Variants in SIMC1 observed in about 807,000 individuals in gnomAD.
The protein encoded by SIMC1 is SUMO-interacting motif-containing protein 1.
In SIMC1, 55 loss-of-function variants were observed where a neutral mutation model predicts 82.3. The ratio of observed to expected loss-of-function variants is 0.67; its 90% CI spans 0.54 to 0.84. The LOEUF is 0.84. Ranked by LOEUF, SIMC1 falls within the 40% of genes least tolerant of loss-of-function variation. The probability of loss-of-function intolerance (pLI) is 0.00; values close to 1 mark genes in which losing one functional copy is unlikely to be tolerated. For synonymous variants in SIMC1, 353 were observed against 426.3 expected (o/e 0.83, Z 2.12); for missense variants, 915 against 1,107.2 (o/e 0.83, Z 2.46).
At chr5:176,267,849 A>T (rs1762264047) in intron 1 of SIMC1, among the ~76,000 whole-genome samples, 1 of 104,068 alleles carries the variant, frequency 9.6e-6, no homozygotes, top group Non-Finnish European at 1.8e-5. Flanking sequence ...TCAACCTCCC[A>T]GGTTCAAGCA....
chr5:176,305,972 G>T (rs1373188390), intron 4 of SIMC1, among the ~76,000 whole-genome samples: 2 of 74,274 alleles, frequency 2.7e-5, no homozygotes, highest in African/African-American at 5.3e-5. Context: ...CGCCCCATCC[G>T]GGAGGGAGGT....
At chr5:176,274,856 ACCAT>A (rs886789699) in intron 1 of SIMC1, among the ~76,000 whole-genome samples, 3 of 151,660 alleles carry the variant, frequency 2.0e-5, no homozygotes, top group African/African-American at 7.2e-5. Context: ...TGGTACCAGT[ACCAT>A]GCTCTTTTGG....
At chr5:176,277,244 T>G (rs1399657616) in intron 1 of SIMC1, among the ~76,000 whole-genome samples, 3 of 151,770 alleles carry the variant, frequency 2.0e-5, no homozygotes, top group African/African-American at 7.3e-5. Context: ...CATAAATGTC[T>G]TCTTTTGAGA....
chr5:176,299,997 T>G (rs1763975745), intron 4 of SIMC1, among the ~76,000 whole-genome samples: 1 of 152,112 alleles, frequency 6.6e-6, no homozygotes, highest in Non-Finnish European at 1.5e-5. Flanking sequence ...CACAAATATG[T>G]GGCAACTAAA....
chr5:176,241,836 G>A (rs960416841), intron 1 of SIMC1, among the ~76,000 whole-genome samples: 1 of 151,346 alleles, frequency 6.6e-6, no homozygotes, highest in Non-Finnish European at 1.5e-5. Flanking sequence ...GGTTTACATC[G>A]TCTGTTTACA....
chr5:176,289,915 G>T lies in SIMC1; in HGVS notation c.391G>T (p.Asp131Tyr). The T allele has an allele frequency of 6.2e-7, 1 of 1,613,904 alleles. No homozygotes were observed. Among genetic ancestry groups the T allele is most frequent in the Non-Finnish European group, 8.5e-7 (1 of 1,179,870 alleles). The change falls in exon 2 of 10, where the codon GAT (aspartate) becomes TAT (tyrosine). Residue 131 changes from aspartate to tyrosine, a missense_variant. Asp to Tyr is a radical substitution (Grantham distance 160). Transcript: ENST00000429602. ...ARRIINSDPV[D>Y]LDLVEENTFV... ...GAGAATCATTAACAGTGATCCTGTA[G>T]ATTTGGACCTAGTGGAAGAAAACAC...
chr5:176,260,107 A>G (rs529028447), intron 1 of SIMC1, among the ~76,000 whole-genome samples: 6 of 152,118 alleles, frequency 3.9e-5, no homozygotes, highest in African/African-American at 1.4e-4. Flanking sequence ...TTTGCTTGCA[A>G]TGGTATTCCC....
At chr5:176,291,244 A>G (rs1416079354) in intron 2 of SIMC1, among the ~76,000 whole-genome samples, 1 of 146,718 alleles carries the variant, frequency 6.8e-6, no homozygotes, top group Non-Finnish European at 1.5e-5. Flanking sequence ...GCTCACTGCA[A>G]CCTCCGCCTC....
At chr5:176,327,184 A>G (rs1765430897) in intron 7 of SIMC1, among the ~76,000 whole-genome samples, 1 of 152,244 alleles carries the variant, frequency 6.6e-6, no homozygotes, top group South Asian at 2.1e-4. Flanking sequence ...GAATTAAAAC[A>G]GACAAACATG....
chr5:176,269,076 G>A (rs1180096467), intron 1 of SIMC1, among the ~76,000 whole-genome samples: 1 of 152,170 alleles, frequency 6.6e-6, no homozygotes, highest in Non-Finnish European at 1.5e-5. Context: ...ATTGTGGGAT[G>A]AAGCCAAAGT....
At chr5:176,344,975 A>C (rs1459730470) in intron 9 of SIMC1, among the ~76,000 whole-genome samples, 1 of 152,060 alleles carries the variant, frequency 6.6e-6, no homozygotes, top group Admixed American at 6.5e-5. Context: ...CACTTTTTTT[A>C]ATGTAAAACT....
chr5:176,313,902 C>G lies in SIMC1; in HGVS notation c.1889+57C>G, dbSNP rs750625989. 3 of 1,600,712 alleles carry G rather than the reference C, an allele frequency of 1.9e-6. No individual in the cohort carries two copies. The East Asian group carries it at 6.7e-5, about 36-fold the overall frequency. On this transcript the variant is annotated intron_variant, in intron 5 of 9. Coordinates refer to ENST00000429602, the MANE Select transcript of SIMC1 (RefSeq NM_001308195.2). ...GAGGTAAGGGATTATAGGTGGGCAG[C>G]TGCTGAAGGCCAGAATATCAGCCAG...
At chr5:176,283,502 C>T (rs1029181054) in intron 1 of SIMC1, among the ~76,000 whole-genome samples, 3 of 152,150 alleles carry the variant, frequency 2.0e-5, no homozygotes, top group Admixed American at 6.6e-5. Flanking sequence ...CCAGGCCTGC[C>T]CTACAAGAGC....
At chr5:176,281,254 GT>G (rs1265178873) in intron 1 of SIMC1, among the ~76,000 whole-genome samples, 1 of 152,130 alleles carries the variant, frequency 6.6e-6, no homozygotes, top group Non-Finnish European at 1.5e-5. Context: ...GCTTCACGTA[GT>G]TCTCGAGCCT....
At chr5:176,272,837 C>T (rs1398302645) in intron 1 of SIMC1, among the ~76,000 whole-genome samples, 5 of 152,222 alleles carry the variant, frequency 3.3e-5, no homozygotes, top group Non-Finnish European at 1.5e-5. Flanking sequence ...TCGTTCATTG[C>T]TAGCACAGCA....
intron 1 of SIMC1, among the ~76,000 whole-genome samples, chr5:176,268,505 A>C (rs1762293426): frequency 6.7e-6 from 1 of 149,244 alleles, no homozygotes; most frequent in South Asian, 2.2e-4. Context: ...TGCAAATAGT[A>C]TGCACAAGAA....
At chr5:176,327,632 A>G (rs1765452997) in intron 7 of SIMC1, among the ~76,000 whole-genome samples, 1 of 152,152 alleles carries the variant, frequency 6.6e-6, no homozygotes, top group African/African-American at 2.4e-5. Flanking sequence ...AAAATGTTGG[A>G]GAAGCAGTGA....
At chr5:176,332,724 A>G (rs1765718024) in intron 7 of SIMC1, among the ~76,000 whole-genome samples, 1 of 152,210 alleles carries the variant, frequency 6.6e-6, no homozygotes, top group African/African-American at 2.4e-5. Flanking sequence ...AAAAATAAAT[A>G]TAAACTTTAT....
rs560121808 is a variant in SIMC1 at position 176,252,429 on chromosome 5, G to A, written c.129+13792G>A. ...GGTCTCCTCACTTCTCAGACAGGGC[G>A]GCCGGGCAGAGACGCTCCTCACCTC... is the stretch of plus-strand genomic sequence containing the variant. On this transcript the variant is annotated intron_variant, in intron 1 of 9. Coordinates refer to ENST00000429602, the MANE Select transcript of SIMC1 (RefSeq NM_001308195.2). Among the ~76,000 whole-genome samples, 322 of 150,674 alleles carry A rather than the reference G, an allele frequency of 2.1e-3. 3 individuals carry two copies. Among genetic ancestry groups the A allele is most frequent in the African/African-American group, 7.5e-3 (308 of 40,984 alleles).
Sources: allele counts gnomAD v4.1 joint callset (sites outside exome capture counted in the v4.1 genomes callset), GRCh38; gene constraint gnomAD v4.1.1; transcripts MANE v1.5; gene names NCBI Gene and HGNC (gene_info 2026-07-23, HGNC 2026-07-21).